The following MINDY2 variants were observed in gnomAD, a reference collection of about 807,000 sequenced individuals.
MINDY2 encodes ubiquitin carboxyl-terminal hydrolase MINDY-2.
Under a neutral mutation model 68.2 loss-of-function variants are expected in MINDY2, and 52 were observed. That is an observed-to-expected ratio of 0.76 (90% CI 0.61 to 0.96). The LOEUF (loss-of-function observed/expected upper bound fraction) is 0.96, where lower values mean the gene tolerates loss of function less well. Among genes scored for constraint, MINDY2 ranks in the 40% least tolerant of loss-of-function variants. MINDY2 has a pLI of 0.00. For missense variants in MINDY2, 881 were observed against 773.4 expected (o/e 1.14, Z -1.65); for synonymous variants, 372 against 303.0 (o/e 1.23, Z -2.36).
intron 5 of MINDY2, among the ~76,000 whole-genome samples, chr15:58,828,405 AAAAT>A (rs1485680478): frequency 6.6e-6 from 1 of 152,104 alleles, no homozygotes; most frequent in Admixed American, 6.5e-5. Flanking sequence ...GCAACATTTT[AAAAT>A]AAATCAAGTT....
At chr15:58,821,630 A>T in intron 4 of MINDY2, 87 bp from the exon 5 acceptor site, 1 of 646,818 alleles carries the variant, frequency 1.5e-6, no homozygotes, top group Non-Finnish European at 2.3e-6. Context: ...GTATTATATT[A>T]GAATAAAATT....
At chr15:58,814,833 A>G (rs2030570652) in intron 4 of MINDY2, among the ~76,000 whole-genome samples, 2 of 132,328 alleles carry the variant, frequency 1.5e-5, no homozygotes, top group East Asian at 2.3e-4. Context: ...GTGTCACTGT[A>G]TGACACGCTT....
intron 1 of MINDY2, among the ~76,000 whole-genome samples, chr15:58,772,731 C>G (rs1337892920): frequency 1.3e-5 from 2 of 152,182 alleles, no homozygotes; most frequent in Middle Eastern, 3.2e-3. Flanking sequence ...GAAGATGTGG[C>G]TCTTTAGACA....
intron 2 of MINDY2, among the ~76,000 whole-genome samples, chr15:58,793,178 A>G (rs1410948241): frequency 6.6e-6 from 1 of 152,184 alleles, no homozygotes; most frequent in South Asian, 2.1e-4. Flanking sequence ...TGGGACTGGC[A>G]CAGTGGCTCA....
At chr15:58,831,492 C>A (rs2031724441) in intron 5 of MINDY2, among the ~76,000 whole-genome samples, 1 of 151,976 alleles carries the variant, frequency 6.6e-6, no homozygotes, top group South Asian at 2.1e-4. Context: ...TTTACTGCAA[C>A]CTGCATGAAA....
chr15:58,832,101 C>T (rs2031756641), intron 6 of MINDY2, among the ~76,000 whole-genome samples, 185 bp downstream of exon 6: 1 of 152,100 alleles, frequency 6.6e-6, no homozygotes, highest in Admixed American at 6.6e-5. Context: ...GAAGCATTAC[C>T]TCAAATCACT....
At chr15:58,813,566 G>C (rs1469021728) in intron 4 of MINDY2, among the ~76,000 whole-genome samples, 1 of 152,122 alleles carries the variant, frequency 6.6e-6, no homozygotes, top group Non-Finnish European at 1.5e-5. Context: ...GAGTGCAGTT[G>C]GTGGGTTATA....
intron 3 of MINDY2, among the ~76,000 whole-genome samples, chr15:58,806,172 C>T (rs539053731): frequency 6.6e-6 from 1 of 152,122 alleles, no homozygotes; most frequent in South Asian, 2.1e-4. Flanking sequence ...CTTTCAGGTT[C>T]AAGAGATTCT....
intron 5 of MINDY2, among the ~76,000 whole-genome samples, chr15:58,831,041 G>GTGTGTGTGTATATA (rs565786025): frequency 3.4e-4 from 42 of 124,900 alleles, no homozygotes; most frequent in East Asian, 1.6e-3. Flanking sequence ...GTGTGTGTGT[G>GTGTGTGTGTATATA]TATATATATA....
chr15:58,793,096 G>A (rs1226178305), intron 2 of MINDY2, among the ~76,000 whole-genome samples: 1 of 152,202 alleles, frequency 6.6e-6, no homozygotes, highest in South Asian at 2.1e-4. Flanking sequence ...GAGATGGGGT[G>A]AAATGGGGGT....
At chr15:58,773,460 T>C (rs650731) in intron 1 of MINDY2, among the ~76,000 whole-genome samples, 9,012 of 152,306 alleles carry the variant, frequency 0.059, 362 homozygotes, top group Admixed American at 0.14. Context: ...TGAGATGTTT[T>C]AAGTGAAGAC....
At chr15:58,791,868 G>T (rs1453947096) in intron 2 of MINDY2, among the ~76,000 whole-genome samples, 1 of 151,946 alleles carries the variant, frequency 6.6e-6, no homozygotes, top group Non-Finnish European at 1.5e-5. Context: ...AAAAGAAAAG[G>T]TCAGTAGACC....
At chr15:58,845,120 A>T (rs2032470323) in intron 6 of MINDY2, among the ~76,000 whole-genome samples, 2 of 151,714 alleles carry the variant, frequency 1.3e-5, no homozygotes, top group African/African-American at 4.8e-5. Flanking sequence ...AGTCATGCAA[A>T]TGAGGCCAGG....
chr15:58,817,251 TA>T (rs2030747555), intron 4 of MINDY2, among the ~76,000 whole-genome samples: 1 of 152,060 alleles, frequency 6.6e-6, no homozygotes. Context: ...TAGGAGCTCC[TA>T]CAGATAATTT....
At chr15:58,794,358 G>GGTGTGTGTGTGTGTGTGTGT (rs3985718) in intron 2 of MINDY2, among the ~76,000 whole-genome samples, 1 of 139,110 alleles carries the variant, frequency 7.2e-6, no homozygotes, top group East Asian at 2.2e-4. Flanking sequence ...TTTTTTTTGG[G>GGTGTGTGTGTGTGTGTGTGT]GTGTGTGTGT....
In MINDY2 at chr15:58,847,445, A is replaced by G. The variant is rs765288060; in HGVS notation, c.1517A>G (p.Lys506Arg). The change falls in exon 7 of 9, where the codon AAA (lysine) becomes AGA (arginine). Residue 506 changes from lysine to arginine, a missense_variant. Lys to Arg is a conservative substitution (Grantham distance 26). Coordinates refer to ENST00000559228, the MANE Select transcript of MINDY2 (RefSeq NM_001040450.3). ...RPPSDPETVY[K>R]GQQDQIDQDY... Reference sequence around the variant, plus strand: ...CCTTCAGATCCTGAAACTGTATACAAAGGACAACAAGATCAGATAGATCAG... The same window carrying G: ...CCTTCAGATCCTGAAACTGTATACAGAGGACAACAAGATCAGATAGATCAG... The G allele has an allele frequency of 1.9e-6, 3 of 1,582,902 alleles. No homozygotes were observed. The East Asian group carries it at 6.8e-5, about 36-fold the overall frequency.
chr15:58,834,888 A>G (rs991967021), intron 6 of MINDY2, among the ~76,000 whole-genome samples: 5 of 152,294 alleles, frequency 3.3e-5, no homozygotes, highest in Admixed American at 6.5e-5. Flanking sequence ...CATTTGTATA[A>G]CTTCAACATT....
At chr15:58,797,578 T>G (rs1330889400) in intron 2 of MINDY2, among the ~76,000 whole-genome samples, 1 of 152,170 alleles carries the variant, frequency 6.6e-6, no homozygotes, top group African/African-American at 2.4e-5. Context: ...GCTAGAAAAT[T>G]TAAAATTACA....
At chr15:58,793,487 A>G (rs919855351) in intron 2 of MINDY2, among the ~76,000 whole-genome samples, 12 of 152,118 alleles carry the variant, frequency 7.9e-5, no homozygotes, top group Non-Finnish European at 1.5e-4. Context: ...TAAAAAATAA[A>G]ATTAGATTAT....
Sources: allele counts gnomAD v4.1 joint callset (sites outside exome capture counted in the v4.1 genomes callset), GRCh38; gene constraint gnomAD v4.1.1; transcripts MANE v1.5; gene names NCBI Gene and HGNC (gene_info 2026-07-23, HGNC 2026-07-21).